The following SCML4 variants were observed in gnomAD, a reference collection of about 807,000 sequenced individuals.
The protein encoded by SCML4 is sex comb on midleg-like protein 4.
Under a neutral mutation model 41.1 loss-of-function variants are expected in SCML4, and 34 were observed. The observed-to-expected ratio is 0.83, with a 90% CI of 0.63 to 1.10. SCML4 has a LOEUF of 1.10. Ranked by LOEUF, SCML4 falls within the 50% of genes least tolerant of loss-of-function variation. The probability of loss-of-function intolerance (pLI) is 0.00; values close to 1 mark genes in which losing one functional copy is unlikely to be tolerated. For missense variants in SCML4, 522 were observed against 534.1 expected, an observed-to-expected ratio of 0.98 and a Z score of 0.22; for synonymous variants, 214 against 220.9, an observed-to-expected ratio of 0.97 and a Z score of 0.28.
chr6:107,833,243 A>G, the SCML4 span, among the ~76,000 whole-genome samples: 3 of 152,178 alleles, frequency 2.0e-5, no homozygotes, highest in African/African-American at 4.8e-5. Flanking sequence ...TTAAGATTGA[A>G]TAACTTAGTC....
chr6:107,792,637 C>T (rs1044636913), intron 1 of SCML4, among the ~76,000 whole-genome samples: 1 of 151,534 alleles, frequency 6.6e-6, no homozygotes, highest in Admixed American at 6.6e-5. Context: ...GAAGCTGAGG[C>T]AGGAGAATCG....
chr6:107,800,100 C>A (rs566744332), intron 1 of SCML4, among the ~76,000 whole-genome samples: 3 of 152,014 alleles, frequency 2.0e-5, no homozygotes, highest in Admixed American at 6.6e-5. Flanking sequence ...ATCCTCCCCC[C>A]TCAGCCTCCC....
At chr6:107,844,559 C>T in the SCML4 span, among the ~76,000 whole-genome samples, 6 of 150,992 alleles carry the variant, frequency 4.0e-5, no homozygotes, top group Admixed American at 6.6e-5. Context: ...ATTTGCTGAA[C>T]GTGGTAGCAC....
At chr6:107,744,418 C>T (rs1285088868) in intron 5 of SCML4, among the ~76,000 whole-genome samples, 1 of 152,212 alleles carries the variant, frequency 6.6e-6, no homozygotes, top group Admixed American at 6.5e-5. Flanking sequence ...CTAACCCTTG[C>T]TGGAAGACAT....
the SCML4 span, among the ~76,000 whole-genome samples, chr6:107,840,835 C>T: frequency 2.2e-3 from 335 of 152,136 alleles, 1 homozygote; most frequent in Non-Finnish European, 3.4e-3. Context: ...GAGAGTGGGA[C>T]GGGGGTAAGG....
chr6:107,720,881 G>A lies in SCML4; in HGVS notation c.795C>T (p.Ser265=), dbSNP rs1008200619. 9 of 1,614,062 alleles carry A rather than the reference G, an allele frequency of 5.6e-6. No homozygotes were observed. The highest frequency in any genetic ancestry group is 1.7e-5 in the Admixed American group (1 of 60,012). The part of the protein sequence containing the change: ...FNHRGSLHPS[S]SLYCKRQNSG... ...AGTTCTGCCTCTTGCAGTACAGCGA[G>A]GAGGAGGGGTGCAAGGAGCCCCTGT... The change falls in exon 6 of 8, where the codon TCC becomes TCT. Residue 265 remains serine, a synonymous_variant. Transcript: ENST00000369020.
chr6:107,708,119 T>C (rs922289141), intron 6 of SCML4, 108 bp from the exon 7 acceptor site: 8 of 1,328,710 alleles, frequency 6.0e-6, no homozygotes, highest in Non-Finnish European at 8.2e-6. Context: ...TCAGTGCCCA[T>C]GAGTCCAAGG....
chr6:107,738,893 C>G (rs1311273705), intron 5 of SCML4, among the ~76,000 whole-genome samples: 1 of 152,130 alleles, frequency 6.6e-6, no homozygotes. Flanking sequence ...AGGTGGCCAA[C>G]ATTCCCACTA....
At chr6:107,726,532 C>CAAAAAAAAAAAAAAAA (rs59013088) in intron 5 of SCML4, among the ~76,000 whole-genome samples, 9 of 72,378 alleles carry the variant, frequency 1.2e-4, no homozygotes, top group African/African-American at 3.8e-4. Flanking sequence ...GACTCCATCT[C>CAAAAAAAAAAAAAAAA]AAAAAAAAAA....
intron 2 of SCML4, among the ~76,000 whole-genome samples, chr6:107,760,353 C>A (rs1779486899): frequency 6.6e-6 from 1 of 152,086 alleles, no homozygotes; most frequent in South Asian, 2.1e-4. Flanking sequence ...GCTATGAAGC[C>A]CAGGGCTTAC....
At chr6:107,792,976 G>A (rs1178127494) in intron 1 of SCML4, among the ~76,000 whole-genome samples, 2 of 152,128 alleles carry the variant, frequency 1.3e-5, no homozygotes, top group East Asian at 3.8e-4. Context: ...CTGGGGGTAA[G>A]AACTAAGACA....
chr6:107,803,886 T>A (rs919188825), intron 1 of SCML4, among the ~76,000 whole-genome samples: 2 of 151,230 alleles, frequency 1.3e-5, no homozygotes, highest in Non-Finnish European at 2.9e-5. Flanking sequence ...CTCCCTAATC[T>A]CAAGTACCCA....
intron 5 of SCML4, among the ~76,000 whole-genome samples, chr6:107,743,702 G>T (rs1002941981): frequency 6.6e-6 from 1 of 152,154 alleles, no homozygotes; most frequent in African/African-American, 2.4e-5. Flanking sequence ...AATAGCATCT[G>T]CTCACACCAA....
chr6:107,791,369 A>G (rs1782316120), intron 1 of SCML4, among the ~76,000 whole-genome samples: 1 of 152,138 alleles, frequency 6.6e-6, no homozygotes, highest in East Asian at 1.9e-4. Context: ...CACTTTAATG[A>G]GCCCAAATCT....
chr6:107,823,723 T>G (rs1785110515), intron 1 of SCML4, among the ~76,000 whole-genome samples: 1 of 152,214 alleles, frequency 6.6e-6, no homozygotes, highest in Non-Finnish European at 1.5e-5. Flanking sequence ...TAGTACAATT[T>G]TTTTAAAATT....
chr6:107,755,499 A>C (rs1297749055), intron 2 of SCML4: 6 of 593,354 alleles, frequency 1.0e-5, no homozygotes, highest in Non-Finnish European at 1.4e-5. Flanking sequence ...AAAAAAGAAG[A>C]GCACGGATAT....
At chr6:107,749,529 C>A (rs1025083842) in intron 3 of SCML4, among the ~76,000 whole-genome samples, 155 bp downstream of exon 3, 1 of 152,196 alleles carries the variant, frequency 6.6e-6, no homozygotes, top group African/African-American at 2.4e-5. Flanking sequence ...CTCTCAAAGA[C>A]TCTGGTCATC....
intron 2 of SCML4, among the ~76,000 whole-genome samples, chr6:107,752,962 A>G (rs777368372): frequency 1.3e-5 from 2 of 152,176 alleles, no homozygotes; most frequent in Non-Finnish European, 2.9e-5. Flanking sequence ...GGAAAAATGG[A>G]AAGAGAGGCA....
chr6:107,802,669 C>T lies in SCML4; in HGVS notation c.-60+21457G>A. 1.3e-4 allele frequency among the ~76,000 whole-genome samples: 2 copies of T among 15,378 alleles called. 1 individual carries two copies. 10.1% of individuals were successfully genotyped at this position (15,378 alleles called of 152,430 possible). A position where few individuals can be genotyped will look rare whatever the true frequency, so the allele number is the denominator to read the frequency against. On this transcript the variant is annotated intron_variant, in intron 1 of 7. Transcript: ENST00000369020. ...TTGGAAAGGCTCCTCCTCTCCCTCTCCCTCCTCTCCCTCTCCCTCCCCCTC... is the reference window on the plus strand; with the variant it reads ...TTGGAAAGGCTCCTCCTCTCCCTCTTCCTCCTCTCCCTCTCCCTCCCCCTC...
Sources: gnomAD v4.1 joint callset for allele counts (sites outside exome capture counted in the v4.1 genomes callset) on GRCh38, gnomAD v4.1.1 for gene constraint, MANE v1.5 for transcripts, NCBI Gene and HGNC (gene_info 2026-07-23, HGNC 2026-07-21) for gene names.